Variants in SLC12A1 observed in about 807,000 individuals in gnomAD.
The protein encoded by SLC12A1 is solute carrier family 12 member 1.
SLC12A1 carries 89 observed loss-of-function variants against 130.4 expected under a neutral mutation model. The observed-to-expected ratio is 0.68, with a 90% CI of 0.58 to 0.81. The LOEUF (loss-of-function observed/expected upper bound fraction) is 0.81. Ranked by LOEUF, SLC12A1 falls within the 40% of genes least tolerant of loss-of-function variation. The probability of loss-of-function intolerance (pLI) is 0.00; values close to 1 mark genes in which losing one functional copy is unlikely to be tolerated. For missense variants in SLC12A1, 1,310 were observed against 1,336.4 expected (o/e 0.98, Z 0.31); for synonymous variants, 499 against 460.0 (o/e 1.08, Z -1.09).
At chr15:48,292,646 C>CAGTT (rs1377621730) in intron 24 of SLC12A1, among the ~76,000 whole-genome samples, 1 of 152,188 alleles carries the variant, frequency 6.6e-6, no homozygotes, top group African/African-American at 2.4e-5. Flanking sequence ...CTAAATTACT[C>CAGTT]AGTTCCCTTT....
chr15:48,230,069 A>T (rs1309324047), intron 6 of SLC12A1, among the ~76,000 whole-genome samples: 1 of 152,164 alleles, frequency 6.6e-6, no homozygotes, highest in Non-Finnish European at 1.5e-5. Flanking sequence ...ATTCCCCTTG[A>T]CACACAGAAA....
At chr15:48,242,497 T>A (rs2041527821) in intron 10 of SLC12A1, among the ~76,000 whole-genome samples, 1 of 152,194 alleles carries the variant, frequency 6.6e-6, no homozygotes, top group Non-Finnish European at 1.5e-5. Flanking sequence ...GGAAATTTGA[T>A]AACTTTGTTA....
intron 4 of SLC12A1, chr15:48,222,518 T>C (rs2141020908): frequency 6.6e-6 from 1 of 152,130 alleles, no homozygotes; most frequent in Non-Finnish European, 1.5e-5. Context: ...AGTTAAATTA[T>C]ATATTAGAAG....
chr15:48,210,731 G>A (rs1298747713), intron 2 of SLC12A1, among the ~76,000 whole-genome samples: 1 of 151,740 alleles, frequency 6.6e-6, no homozygotes, highest in African/African-American at 2.4e-5. Flanking sequence ...CAGGCATGGT[G>A]GCACATGCTT....
chr15:48,298,802 A>T (rs998004994), intron 24 of SLC12A1, among the ~76,000 whole-genome samples: 4 of 152,202 alleles, frequency 2.6e-5, no homozygotes, highest in Non-Finnish European at 5.9e-5. Context: ...TATGTCTTCG[A>T]CTACACTATG....
chr15:48,271,547 G>T (rs1482466874), intron 19 of SLC12A1, among the ~76,000 whole-genome samples: 1 of 152,136 alleles, frequency 6.6e-6, no homozygotes, highest in South Asian at 2.1e-4. Flanking sequence ...ATTAACAAAA[G>T]TACTCTTAGT....
At chr15:48,258,084 G>A (rs1431679856) in intron 16 of SLC12A1, among the ~76,000 whole-genome samples, 1 of 122,736 alleles carries the variant, frequency 8.1e-6, no homozygotes, top group African/African-American at 5.1e-5. Flanking sequence ...CTTTACGGCC[G>A]GGCGCGGTGG....
intron 10 of SLC12A1, 69 bp from the exon 11 acceptor site, chr15:48,244,684 G>C (rs573822498): frequency 2.0e-6 from 3 of 1,514,662 alleles, no homozygotes. Context: ...AGTAAACTAC[G>C]TTTTCAGTAG....
intron 10 of SLC12A1, among the ~76,000 whole-genome samples, chr15:48,242,010 T>C (rs1342191358): frequency 1.3e-5 from 2 of 152,180 alleles, no homozygotes; most frequent in Admixed American, 6.5e-5. Context: ...TAGGAAAGTA[T>C]GAAAGATGTG....
At chr15:48,263,258 G>A (rs1346146678) in intron 17 of SLC12A1, among the ~76,000 whole-genome samples, 4 of 152,106 alleles carry the variant, frequency 2.6e-5, no homozygotes, top group Admixed American at 6.6e-5. Flanking sequence ...ATTGACCTGG[G>A]ATTTGGAACA....
chr15:48,287,950 CT>C, intron 21 of SLC12A1, 92 bp from the exon 22 acceptor site: 3 of 1,361,212 alleles, frequency 2.2e-6, no homozygotes, highest in African/African-American at 2.9e-5. Context: ...AATCTGTGAC[CT>C]TTTCTCTATT....
chr15:48,265,299 T>C (rs1164850647), intron 17 of SLC12A1, among the ~76,000 whole-genome samples: 1 of 152,206 alleles, frequency 6.6e-6, no homozygotes, highest in African/African-American at 2.4e-5. Context: ...TGGATTTTTA[T>C]AATACTAACA....
At chr15:48,235,095 T>G in intron 9 of SLC12A1, 91 bp downstream of exon 9, 1 of 1,277,682 alleles carries the variant, frequency 7.8e-7, no homozygotes, top group Non-Finnish European at 1.1e-6. Context: ...GTGACCATAT[T>G]ACCCTACAGA....
intron 9 of SLC12A1, among the ~76,000 whole-genome samples, chr15:48,239,689 C>CA (rs2041480073): frequency 6.6e-6 from 1 of 151,866 alleles, no homozygotes. Context: ...CTCACTCTGT[C>CA]ACCCTGGCTG....
intron 2 of SLC12A1, 49 bp downstream of exon 2, chr15:48,208,188 G>A: frequency 6.7e-7 from 1 of 1,502,264 alleles, no homozygotes; most frequent in East Asian, 2.3e-5. Flanking sequence ...CATAACTTCA[G>A]ATAATTTCCT....
Position 48,302,794 on chromosome 15 carries a change from A to G in SLC12A1, c.3209A>G (p.Tyr1070Cys), listed in dbSNP as rs939499204. The G allele has an allele frequency of 4.3e-6, 7 of 1,613,548 alleles. No homozygotes were observed. The highest frequency in any genetic ancestry group is 5.9e-6 in the Non-Finnish European group (7 of 1,179,648). The change falls in exon 27 of 27, where the codon TAT (tyrosine) becomes TGT (cysteine). Residue 1070 changes from tyrosine to cysteine, a missense_variant. Coordinates refer to ENST00000380993, the MANE Select transcript of SLC12A1 (RefSeq NM_000338.3). ...AAGGGATCCATATCGGATTTGTTGT[A>G]TATGGCTTGGTTGGAAATCCTCACA... ...ARKGSISDLL[Y>C]MAWLEILTKN...
chr15:48,287,925 G>C (rs1363895666), intron 21 of SLC12A1, 118 bp from the exon 22 acceptor site: 3 of 1,077,502 alleles, frequency 2.8e-6, no homozygotes, highest in Non-Finnish European at 3.8e-6. Flanking sequence ...ATTTATTTTA[G>C]GTATAATAAA....
chr15:48,277,940 A>T (rs9635331), intron 20 of SLC12A1, among the ~76,000 whole-genome samples: 49,510 of 152,088 alleles, frequency 0.33, 10,349 homozygotes, highest in African/African-American at 0.58. Flanking sequence ...AAAATAAAAC[A>T]GCGAGGAGAG....
At chr15:48,255,712 G>C (rs1281867490) in intron 15 of SLC12A1, 99 bp from the exon 16 acceptor site, 4 of 790,544 alleles carry the variant, frequency 5.1e-6, no homozygotes. Flanking sequence ...TGCTGGCATA[G>C]CCAAGGAAAA....
Sources: gnomAD v4.1 joint callset for allele counts (sites outside exome capture counted in the v4.1 genomes callset) on GRCh38, gnomAD v4.1.1 for gene constraint, MANE v1.5 for transcripts, NCBI Gene and HGNC (gene_info 2026-07-23, HGNC 2026-07-21) for gene names.